Variants in KCNQ4 observed in about 807,000 individuals in gnomAD.
KCNQ4 encodes the protein potassium voltage-gated channel subfamily KQT member 4.
In KCNQ4, 31 loss-of-function variants were observed where a neutral mutation model predicts 72.6. The observed-to-expected ratio is 0.43, with a 90% CI of 0.32 to 0.58. The LOEUF is 0.58. Ranked by LOEUF, KCNQ4 falls within the 20% of genes least tolerant of loss-of-function variation. The pLI, the probability that KCNQ4 is intolerant of heterozygous loss-of-function variation, is 0.08. For missense variants in KCNQ4, 869 were observed against 962.6 expected, an observed-to-expected ratio of 0.90 and a Z score of 1.29; for synonymous variants, 405 against 403.7, an observed-to-expected ratio of 1.00 and a Z score of -0.04.
intron 8 of KCNQ4, among the ~76,000 whole-genome samples, chr1:40,822,627 AG>A (rs1648339126): frequency 6.6e-6 from 1 of 152,182 alleles, no homozygotes; most frequent in Non-Finnish European, 1.5e-5. Context: ...GCATTGGTGA[AG>A]CCCTGCCCCA....
intron 9 of KCNQ4, among the ~76,000 whole-genome samples, chr1:40,824,556 C>A (rs950857318): frequency 6.6e-6 from 1 of 152,180 alleles, no homozygotes; most frequent in Non-Finnish European, 1.5e-5. Flanking sequence ...TTTCTCTGTT[C>A]CCACGTCCCC....
chr1:40,798,081 G>A (rs1647466966), intron 1 of KCNQ4, among the ~76,000 whole-genome samples: 1 of 152,106 alleles, frequency 6.6e-6, no homozygotes, highest in Non-Finnish European at 1.5e-5. Context: ...GCCAGCCCCA[G>A]CTCTGTCTTT....
rs771587203 is a variant in KCNQ4 at position 40,831,034 on chromosome 1, C to T, written c.1293-50C>T. 2.7e-6 allele frequency: 4 copies of T among 1,506,440 alleles called. No homozygotes were observed. In the African/African-American group the frequency reaches 4.2e-5, roughly 16 times the overall value. The allele number at this position is 1,506,440 out of a possible 1,614,324, so 93.3% of individuals were successfully genotyped here. A position where few individuals can be genotyped will look rare whatever the true frequency, so the allele number is the denominator to read the frequency against. ...TCAGCTTTGTCCCCACTCACCCCCACCCCCAGCTCTGGCTAACTTGGCTCT... is the reference window on the plus strand; with the variant it reads ...TCAGCTTTGTCCCCACTCACCCCCATCCCCAGCTCTGGCTAACTTGGCTCT... On this transcript the variant is annotated intron_variant, in intron 9 of 13. Coordinates refer to ENST00000347132, the MANE Select transcript of KCNQ4 (RefSeq NM_004700.4).
At chr1:40,818,362 C>G in intron 3 of KCNQ4, 72 bp downstream of exon 3, 1 of 1,602,856 alleles carries the variant, frequency 6.2e-7, no homozygotes, top group Non-Finnish European at 8.5e-7. Flanking sequence ...CTCCCAATCC[C>G]GACTCTGACC....
rs876657841 is a variant in KCNQ4, at chr1:40,819,897, A to G, written c.857A>G (p.Tyr286Cys). 2.5e-6 allele frequency: 4 copies of G among 1,614,036 alleles called. No individual in the cohort carries two copies. The highest frequency in any genetic ancestry group is 3.4e-6 in the Non-Finnish European group (4 of 1,179,854). ...CAGATTACATTGACAACCATCGGCTATGGTGACAAGACACCGCACACATGG... is the reference window on the plus strand; with the variant it reads ...CAGATTACATTGACAACCATCGGCTGTGGTGACAAGACACCGCACACATGG... The part of the protein sequence containing the change: ...WGTITLTTIG[Y>C]GDKTPHTWLG... The change falls in exon 6 of 14, where the codon TAT (tyrosine) becomes TGT (cysteine). Residue 286 changes from tyrosine (Y) to cysteine (C), a missense_variant. Around this residue, in one of 5 missense-constraint regions of KCNQ4, gnomAD observed 179 missense variants for 243.0 expected, o/e 0.74. Coordinates refer to ENST00000347132, the MANE Select transcript of KCNQ4 (RefSeq NM_004700.4).
Position 40,794,208 on chromosome 1 carries a change from TTTGCC to T in KCNQ4, c.314+9802_314+9806del, listed in dbSNP as rs1374691262. On this transcript the variant is annotated intron_variant, in intron 1 of 13. Coordinates refer to ENST00000347132, the MANE Select transcript of KCNQ4 (RefSeq NM_004700.4). The surrounding 1 kb of genome is among the most constrained non-coding windows in gnomAD (Gnocchi z 4.2). ...GATGGGACTTCCTTCCCCTCACTCC[TTTGCC>T]CCAAGACCTGCAGAGCACAGGGCCT... Among the ~76,000 whole-genome samples the T allele has an allele frequency of 6.6e-6, 1 of 152,118 alleles. No homozygotes were observed. The highest frequency in any genetic ancestry group is 1.9e-4 in the East Asian group (1 of 5,184).
At position 40,831,298 on chromosome 1, in the gene KCNQ4, G is replaced by C; in HGVS notation, c.1507G>C (p.Ala503Pro). The change falls in exon 10 of 14, where the codon GCT (alanine) becomes CCT (proline). Residue 503 changes from alanine (A) to proline (P), a missense_variant. Ala to Pro is a conservative substitution (Grantham distance 27). This residue lies in a region of KCNQ4 where 480 missense variants were observed against 501.9 expected (regional missense o/e 0.96). Coordinates refer to ENST00000347132, the MANE Select transcript of KCNQ4 (RefSeq NM_004700.4). ...TCTGAGACTCAAACCCCGCACCTCTGCTGAGGGTAAGCCCCCGGGGGGCTG... is the reference window on the plus strand; with the variant it reads ...TCTGAGACTCAAACCCCGCACCTCTCCTGAGGGTAAGCCCCCGGGGGGCTG... ...ASLRLKPRTS[A>P]EDAPSEEVAE... 1 of 1,596,350 alleles carries C rather than the reference G, an allele frequency of 6.3e-7. No individual in the cohort carries two copies.
Position 40,833,127 on chromosome 1 carries a change from C to T in KCNQ4, c.1613+14C>T. 1 of 1,593,404 alleles carries T rather than the reference C, an allele frequency of 6.3e-7. No individual in the cohort carries two copies. The highest frequency in any genetic ancestry group is 8.6e-7 in the Non-Finnish European group (1 of 1,166,118). ...CCGCTCCATCAGGTAAGACTGAGGCCTGAGGCGAGCACCCCCCTCCGTGTG... is the reference window on the plus strand; with the variant it reads ...CCGCTCCATCAGGTAAGACTGAGGCTTGAGGCGAGCACCCCCCTCCGTGTG... On this transcript the variant is annotated intron_variant, in intron 11 of 13. Transcript: ENST00000347132.
chr1:40,837,967 G>T (rs1160832511), intron 13 of KCNQ4, among the ~76,000 whole-genome samples, 173 bp downstream of exon 13: 3 of 96,352 alleles, frequency 3.1e-5, no homozygotes, highest in African/African-American at 8.1e-5. Context: ...CCATAAACCC[G>T]CCCTCTCCTG....
chr1:40,791,896 A>T (rs889829911), intron 1 of KCNQ4, among the ~76,000 whole-genome samples: 5 of 152,072 alleles, frequency 3.3e-5, no homozygotes, highest in African/African-American at 1.2e-4. Flanking sequence ...TGTTTCAAAA[A>T]CTTGGAGCCC....
intron 4 of KCNQ4, 133 bp from the exon 5 acceptor site, chr1:40,819,214 A>C: frequency 1.9e-6 from 2 of 1,066,474 alleles, no homozygotes; most frequent in African/African-American, 1.6e-5. Context: ...CCGTGATGGG[A>C]GGAGCTGAGA....
chr1:40,832,072 C>T lies in KCNQ4; in HGVS notation c.1513+768C>T, dbSNP rs61778971. ...TTCTGAGTTTTGGCTCTGCTGGAGA[C>T]TTCCACTGTGATTTAGGCAGGAGAC... On this transcript the variant is annotated intron_variant, in intron 10 of 13. Coordinates refer to ENST00000347132, the MANE Select transcript of KCNQ4 (RefSeq NM_004700.4). Among the ~76,000 whole-genome samples the T allele has an allele frequency of 9.9e-3, 1,504 of 152,370 alleles. 15 individuals carry two copies. The highest frequency in any genetic ancestry group is 0.016 in the Non-Finnish European group (1,084 of 68,034).
intron 1 of KCNQ4, among the ~76,000 whole-genome samples, chr1:40,802,343 C>A (rs1250004887): frequency 6.6e-6 from 1 of 152,064 alleles, no homozygotes; most frequent in Admixed American, 6.5e-5. Flanking sequence ...GCCCGCTGCT[C>A]GCCTTTCAGG....
chr1:40,792,678 G>A (rs559369640), intron 1 of KCNQ4, among the ~76,000 whole-genome samples: 3 of 152,296 alleles, frequency 2.0e-5, no homozygotes, highest in Admixed American at 1.3e-4. Context: ...TGGGAGAGAC[G>A]GGGGACGGGG....
chr1:40,830,546 G>T (rs900713870), intron 9 of KCNQ4, among the ~76,000 whole-genome samples: 1 of 152,038 alleles, frequency 6.6e-6, no homozygotes, highest in African/African-American at 2.4e-5. Context: ...ACCCACACTC[G>T]CACATGTGTG....
At chr1:40,821,398 T>A (rs1648285167) in intron 7 of KCNQ4, among the ~76,000 whole-genome samples, 1 of 152,226 alleles carries the variant, frequency 6.6e-6, no homozygotes, top group Admixed American at 6.5e-5. Flanking sequence ...GGCCCAGCTC[T>A]GCCTTGTCCT....
At position 40,794,733 on chromosome 1, in the gene KCNQ4, C is replaced by T. The variant is rs1647358701; in HGVS notation, c.314+10326C>T. Among the ~76,000 whole-genome samples the T allele has an allele frequency of 6.6e-6, 1 of 152,142 alleles. No individual in the cohort carries two copies. The highest frequency in any genetic ancestry group is 2.1e-4 in the South Asian group (1 of 4,824). ...ATGGGCTGGGAAAAAAATGTCCTTG[C>T]TTGGCAAAATAAAAAGTTGACAACC... On this transcript the variant is annotated intron_variant, in intron 1 of 13. Transcript: ENST00000347132. This position sits in a 1 kb window ranked among gnomAD's most constrained non-coding sequence, Gnocchi z 4.2.
chr1:40,787,055 A>C (rs1409428919), intron 1 of KCNQ4, among the ~76,000 whole-genome samples: 1 of 152,082 alleles, frequency 6.6e-6, no homozygotes, highest in Non-Finnish European at 1.5e-5. Context: ...CCAGAGACGC[A>C]GGCTGTGGCA....
intron 1 of KCNQ4, among the ~76,000 whole-genome samples, chr1:40,810,955 C>G (rs2148312007): frequency 6.6e-6 from 1 of 152,304 alleles, no homozygotes; most frequent in Admixed American, 6.5e-5. Context: ...TGAATAACAG[C>G]TTTATTGAGA....
Sources: allele counts gnomAD v4.1 joint callset (sites outside exome capture counted in the v4.1 genomes callset), GRCh38; gene constraint gnomAD v4.1.1; regional missense constraint gnomAD v4.1.1; non-coding constraint Gnocchi (gnomAD v3.1); transcripts MANE v1.5; gene names NCBI Gene and HGNC (gene_info 2026-07-23, HGNC 2026-07-21).